Variants in ARHGAP19 observed in about 807,000 individuals in gnomAD.
The protein encoded by ARHGAP19 is Rho GTPase activating protein 19, also known as rho GTPase-activating protein 19.
A neutral mutation model predicts 60.9 loss-of-function variants in ARHGAP19; 48 were observed. The observed-to-expected ratio is 0.79, with a 90% CI of 0.62 to 1.00. The LOEUF (loss-of-function observed/expected upper bound fraction) is 1.00. ARHGAP19 is among the 50% of genes least tolerant of loss of function. The pLI is 0.00. For synonymous variants in ARHGAP19, 209 were observed against 215.5 expected (o/e 0.97, Z 0.27); for missense variants, 562 against 597.2 (o/e 0.94, Z 0.61).
At chr10:97,254,907 C>T (rs773286309) in intron 6 of ARHGAP19, among the ~76,000 whole-genome samples, 2 of 152,186 alleles carry the variant, frequency 1.3e-5, no homozygotes, top group African/African-American at 2.4e-5. Context: ...AATCCTGTCA[C>T]ATGCTACTGT....
intron 1 of ARHGAP19, among the ~76,000 whole-genome samples, chr10:97,285,918 G>C (rs1843148862): frequency 6.6e-6 from 1 of 152,172 alleles, no homozygotes; most frequent in Admixed American, 6.5e-5. Context: ...GTAAACTTGT[G>C]CAACAATATC....
intron 1 of ARHGAP19, 102 bp downstream of exon 1, chr10:97,292,469 GA>G: frequency 6.9e-7 from 1 of 1,446,760 alleles, no homozygotes; most frequent in Non-Finnish European, 9.6e-7. Context: ...GTGGGAGAAA[GA>G]AACAAAGCCC....
At chr10:97,253,143 C>T (rs1842709582) in intron 6 of ARHGAP19, among the ~76,000 whole-genome samples, 1 of 152,018 alleles carries the variant, frequency 6.6e-6, no homozygotes. Context: ...AATCCCAGCA[C>T]TTTGGGAGGC....
chr10:97,246,070 C>T (rs916615749), intron 7 of ARHGAP19, among the ~76,000 whole-genome samples: 1 of 152,158 alleles, frequency 6.6e-6, no homozygotes, highest in African/African-American at 2.4e-5. Flanking sequence ...GTTACCATAC[C>T]TCACATGTGG....
intron 1 of ARHGAP19, among the ~76,000 whole-genome samples, chr10:97,281,438 C>T (rs1398935350): frequency 6.6e-6 from 1 of 152,072 alleles, no homozygotes; most frequent in Non-Finnish European, 1.5e-5. Context: ...TGTAGTCAGC[C>T]AGAAATATTC....
At chr10:97,236,197 G>C (rs1046293738) in intron 8 of ARHGAP19, among the ~76,000 whole-genome samples, 1 of 151,830 alleles carries the variant, frequency 6.6e-6, no homozygotes, top group African/African-American at 2.4e-5. Flanking sequence ...GGCTGATCTC[G>C]AACTCCTGAC....
chr10:97,281,113 C>T (rs793530), intron 1 of ARHGAP19, among the ~76,000 whole-genome samples: 9 of 151,392 alleles, frequency 5.9e-5, no homozygotes, highest in South Asian at 2.1e-4. Context: ...CCAGGCACAG[C>T]GGCTCATGTC....
rs1370203038 is a variant in ARHGAP19 at position 97,223,964 on chromosome 10, G to A, written c.*2158C>T. The A allele has an allele frequency of 1.3e-5, 2 of 152,170 alleles. No individual in the cohort carries two copies. Among genetic ancestry groups the A allele is most frequent in the Admixed American group, 6.5e-5 (1 of 15,272 alleles). The allele number at this position is 152,170 out of a possible 1,614,324, so 9.4% of individuals were successfully genotyped here. A position where few individuals can be genotyped will look rare whatever the true frequency, so the allele number is the denominator to read the frequency against. On this transcript the variant is annotated 3_prime_UTR_variant, in exon 12 of 12. Transcript: ENST00000358531. ...AAAACACACATAAACCACCCAAGGA[G>A]ACCAGCTATATAAAGGCATGTGCAT...
intron 1 of ARHGAP19, among the ~76,000 whole-genome samples, chr10:97,288,770 C>T (rs965132462): frequency 3.3e-5 from 5 of 151,316 alleles, no homozygotes; most frequent in East Asian, 3.9e-4. Flanking sequence ...ATGTGTATCC[C>T]GCCCTCAAAA....
At chr10:97,236,756 G>A (rs1263570760) in intron 8 of ARHGAP19, among the ~76,000 whole-genome samples, 1 of 142,490 alleles carries the variant, frequency 7.0e-6, no homozygotes, top group Non-Finnish European at 1.5e-5. Flanking sequence ...CGAGGCTGCA[G>A]TGAGCCATGA....
intron 8 of ARHGAP19, among the ~76,000 whole-genome samples, chr10:97,242,055 A>T (rs1024678217): frequency 2.8e-4 from 42 of 149,304 alleles, no homozygotes; most frequent in Middle Eastern, 3.5e-3. Flanking sequence ...AAATAAATAA[A>T]AAATAAAATG....
intron 3 of ARHGAP19, among the ~76,000 whole-genome samples, chr10:97,264,322 G>A (rs1258254077): frequency 6.6e-6 from 1 of 152,178 alleles, no homozygotes; most frequent in South Asian, 2.1e-4. Flanking sequence ...GTGTGGTGGT[G>A]CAAGCTTGTG....
At chr10:97,253,379 CA>C (rs551066347) in intron 6 of ARHGAP19, among the ~76,000 whole-genome samples, 251 of 82,336 alleles carry the variant, frequency 3.0e-3, no homozygotes, top group Admixed American at 5.7e-3. Context: ...AACTCTATCT[CA>C]AAAAAAAAAA....
intron 8 of ARHGAP19, among the ~76,000 whole-genome samples, chr10:97,243,180 C>T (rs1842514722): frequency 6.6e-6 from 1 of 152,118 alleles, no homozygotes; most frequent in African/African-American, 2.4e-5. Flanking sequence ...CTCAGTTCAC[C>T]ATTATCTGAG....
At chr10:97,288,604 A>T (rs1242684879) in intron 1 of ARHGAP19, among the ~76,000 whole-genome samples, 3 of 150,860 alleles carry the variant, frequency 2.0e-5, no homozygotes, top group African/African-American at 7.3e-5. Context: ...AAAAAGAACA[A>T]CAAAAAAAAA....
chr10:97,222,527 C>T lies in ARHGAP19; in HGVS notation c.*3595G>A, dbSNP rs11189041. 0.035 allele frequency: 5,355 copies of T among 152,526 alleles called. 146 individuals carry two copies. The highest frequency in any genetic ancestry group is 0.054 in the Non-Finnish European group (3,702 of 68,102). 9.4% of individuals were successfully genotyped at this position (152,526 alleles called of 1,614,324 possible). Reference sequence around the variant, plus strand: ...GCACTCAGGCTATTATGTCCCACACCTCCTCGCTGGCCTGCTTCTGTCAAC... The same window carrying T: ...GCACTCAGGCTATTATGTCCCACACTTCCTCGCTGGCCTGCTTCTGTCAAC... On this transcript the variant is annotated 3_prime_UTR_variant, in exon 12 of 12. Coordinates refer to ENST00000358531, the MANE Select transcript of ARHGAP19 (RefSeq NM_032900.6).
chr10:97,288,585 A>G (rs1843185950), intron 1 of ARHGAP19, among the ~76,000 whole-genome samples: 1 of 151,836 alleles, frequency 6.6e-6, no homozygotes, highest in Non-Finnish European at 1.5e-5. Flanking sequence ...ATCTAAAAAA[A>G]AAAAAGAAAA....
At chr10:97,281,702 A>C (rs2134920279) in intron 1 of ARHGAP19, among the ~76,000 whole-genome samples, 1 of 152,326 alleles carries the variant, frequency 6.6e-6, no homozygotes, top group South Asian at 2.1e-4. Flanking sequence ...TAGTAGCTAA[A>C]GACCACAACG....
intron 1 of ARHGAP19, among the ~76,000 whole-genome samples, chr10:97,280,017 T>C (rs531795209): frequency 7.2e-5 from 11 of 152,340 alleles, no homozygotes; most frequent in African/African-American, 2.4e-4. Flanking sequence ...TCTTTCTGGG[T>C]GTCATATGAA....
Sources: allele counts gnomAD v4.1 joint callset (sites outside exome capture counted in the v4.1 genomes callset), GRCh38; gene constraint gnomAD v4.1.1; transcripts MANE v1.5; gene names NCBI Gene and HGNC (gene_info 2026-07-23, HGNC 2026-07-21).